Variants in HMGXB3 observed in about 807,000 individuals in gnomAD.
The protein encoded by HMGXB3 is HMG-box containing 3.
Under a neutral mutation model 121.5 loss-of-function variants are expected in HMGXB3, and 45 were observed. That is an observed-to-expected ratio of 0.37 (90% CI 0.29 to 0.47). HMGXB3 has a LOEUF of 0.47. Among genes scored for constraint, HMGXB3 ranks in the 20% least tolerant of loss-of-function variants. HMGXB3 has a pLI of 0.99. For missense variants in HMGXB3, 1,376 were observed against 1,602.2 expected, an observed-to-expected ratio of 0.86 and a Z score of 2.41; for synonymous variants, 590 against 624.1, an observed-to-expected ratio of 0.95 and a Z score of 0.81.
At chr5:150,028,175 G>T (rs116084645) in intron 9 of HMGXB3, among the ~76,000 whole-genome samples, 226 of 152,202 alleles carry the variant, frequency 1.5e-3, no homozygotes, top group African/African-American at 5.2e-3. Context: ...ACTCAAAGCA[G>T]GGAGGGGACT....
chr5:150,031,510 G>GT (rs1756380318), intron 10 of HMGXB3, among the ~76,000 whole-genome samples: 1 of 152,220 alleles, frequency 6.6e-6, no homozygotes, highest in Non-Finnish European at 1.5e-5. Flanking sequence ...GTGGTCCTCA[G>GT]TTTCACTATC....
intron 16 of HMGXB3, among the ~76,000 whole-genome samples, chr5:150,046,646 A>G (rs1756761789): frequency 6.6e-6 from 1 of 151,958 alleles, no homozygotes. Context: ...CACCATCTCT[A>G]CTAAAAACAC....
chr5:150,017,558 C>T (rs1398144423), intron 5 of HMGXB3, among the ~76,000 whole-genome samples: 1 of 152,198 alleles, frequency 6.6e-6, no homozygotes, highest in Non-Finnish European at 1.5e-5. Context: ...CCTGGTCTTC[C>T]TCTTTTTGGT....
At chr5:150,008,264 C>T (rs770712766) in intron 3 of HMGXB3, among the ~76,000 whole-genome samples, 1 of 152,024 alleles carries the variant, frequency 6.6e-6, no homozygotes, top group Non-Finnish European at 1.5e-5. Context: ...ACCACTATCT[C>T]TACCACTGCC....
chr5:150,001,802 G>A (rs772686863), intron 1 of HMGXB3, among the ~76,000 whole-genome samples: 17 of 152,216 alleles, frequency 1.1e-4, no homozygotes, highest in Non-Finnish European at 1.6e-4. Context: ...CAAGGTGGCT[G>A]TAATGAGTGT....
chr5:150,052,189 A>G lies in HMGXB3; in HGVS notation c.3876A>G (p.Glu1292=). 2 of 1,542,018 alleles carry G rather than the reference A, an allele frequency of 1.3e-6. No individual in the cohort carries two copies. Among genetic ancestry groups the G allele is most frequent in the South Asian group, 1.2e-5 (1 of 83,640 alleles). ...GEEEEVAAVA[E] is the part of the protein sequence containing the mutation. Reference sequence around the variant, plus strand: ...AAGAGGAGGTGGCCGCAGTGGCAGAATAAGCCAGGCTGTTGTACAGGGACT... The same window carrying G: ...AAGAGGAGGTGGCCGCAGTGGCAGAGTAAGCCAGGCTGTTGTACAGGGACT... The change falls in exon 20 of 20, where the codon GAA becomes GAG. Residue 1292 remains glutamate (E), a synonymous_variant. Transcript: ENST00000502717.
At chr5:150,010,014 A>G in intron 3 of HMGXB3, 97 bp from the exon 4 acceptor site, 1 of 1,339,940 alleles carries the variant, frequency 7.5e-7, no homozygotes, top group Non-Finnish European at 9.9e-7. Flanking sequence ...CAGGAAAAAA[A>G]AAGAACTTAC....
At position 150,045,655 on chromosome 5, in the gene HMGXB3, G is replaced by A. The variant is rs1756737947; in HGVS notation, c.2920G>A (p.Asp974Asn). Residue 974 changes from aspartate to asparagine, a missense_variant, in exon 16 of 20, where the codon GAC becomes AAC. Physicochemically the swap from Asp to Asn is conservative, Grantham distance 23. This residue lies in a region of HMGXB3 where 1,116 missense variants were observed against 1,369.0 expected (regional missense o/e 0.82). Transcript: ENST00000502717. The part of the protein sequence containing the change: ...RGAVVVNTEK[D>N]KNLDVQPVPG... ...AGCTGTGGTCGTCAACACTGAGAAA[G>A]ACAAAAACCTGGATGTGCAGCCAGT... is the stretch of plus-strand genomic sequence containing the variant. The A allele has an allele frequency of 1.9e-6, 3 of 1,551,596 alleles. No homozygotes were observed. Among genetic ancestry groups the A allele is most frequent in the Admixed American group, 3.9e-5 (2 of 50,986 alleles).
chr5:150,051,469 C>G (rs1463966104), intron 19 of HMGXB3, among the ~76,000 whole-genome samples: 2 of 152,212 alleles, frequency 1.3e-5, no homozygotes, highest in East Asian at 3.9e-4. Context: ...CCCCTGCAGC[C>G]ACTGGCCTGA....
At chr5:150,009,314 A>G (rs1157439456) in intron 3 of HMGXB3, among the ~76,000 whole-genome samples, 5 of 152,334 alleles carry the variant, frequency 3.3e-5, no homozygotes, top group South Asian at 2.1e-4. Flanking sequence ...CTCATTTGTT[A>G]AATGGGAATA....
intron 1 of HMGXB3, among the ~76,000 whole-genome samples, chr5:150,003,996 G>A (rs1440885966): frequency 6.7e-6 from 1 of 150,034 alleles, no homozygotes; most frequent in Non-Finnish European, 1.5e-5. Flanking sequence ...CATTTGCATA[G>A]CACTTGACTA....
chr5:150,021,726 T>C (rs1756098390), intron 6 of HMGXB3: 1 of 510,258 alleles, frequency 2.0e-6, no homozygotes, highest in African/African-American at 1.9e-5. Flanking sequence ...CACAAGTTTT[T>C]CTTGTAGTGA....
Position 150,040,813 on chromosome 5 carries a change from A to G in HMGXB3, c.2479A>G (p.Ile827Val), listed in dbSNP as rs1356800365. The G allele has an allele frequency of 1.3e-6, 2 of 1,551,886 alleles. No individual in the cohort carries two copies. Among genetic ancestry groups the G allele is most frequent in the Admixed American group, 2.0e-5 (1 of 50,988 alleles). ...LDLLFAIRNQ[I>V]KLGEDPRVSI... Reference sequence around the variant, plus strand: ...CTTGCTTTTTGCAATCAGAAATCAGATCAAGCTCGGAGAGGACCCCAGAGT... The same window carrying G: ...CTTGCTTTTTGCAATCAGAAATCAGGTCAAGCTCGGAGAGGACCCCAGAGT... Residue 827 changes from isoleucine (I) to valine (V), a missense_variant, in exon 14 of 20, where the codon ATC becomes GTC. By Grantham distance (29) the Ile-to-Val change is conservative. Transcript: ENST00000502717.
chr5:150,023,200 G>A (rs949891307), intron 6 of HMGXB3, among the ~76,000 whole-genome samples: 3 of 152,188 alleles, frequency 2.0e-5, no homozygotes, highest in East Asian at 1.9e-4. Flanking sequence ...TGGGTAGTAA[G>A]CGACTGGGAG....
chr5:150,022,986 ATTTTTTTTTTT>A (rs56092645), intron 6 of HMGXB3, among the ~76,000 whole-genome samples: 2 of 100,868 alleles, frequency 2.0e-5, no homozygotes, highest in African/African-American at 8.8e-5. Context: ...TGCCTGGCTA[ATTTTTTTTTTT>A]TTTTTTTTTT....
rs115765376 is a variant in HMGXB3 at position 150,052,503 on chromosome 5, C to A, written c.*311C>A. ...TAGCTGGTGGGTTCCGTGGGGCCTGCGGTGTGGGTCAGGGTGGAGGTCCTG... is the reference window on the plus strand; with the variant it reads ...TAGCTGGTGGGTTCCGTGGGGCCTGAGGTGTGGGTCAGGGTGGAGGTCCTG... On this transcript the variant is annotated 3_prime_UTR_variant, in exon 20 of 20. Transcript: ENST00000502717. 1 of 354,722 alleles carries A rather than the reference C, an allele frequency of 2.8e-6. No homozygotes were observed. Among genetic ancestry groups the A allele is most frequent in the Non-Finnish European group, 5.2e-6 (1 of 190,782 alleles). 22.0% of individuals were successfully genotyped at this position (354,722 alleles called of 1,614,324 possible).
chr5:150,050,404 T>A lies in HMGXB3; in HGVS notation c.3354T>A (p.Thr1118=). Residue 1118 remains threonine, a synonymous_variant, in exon 19 of 20, where the codon ACT becomes ACA. Coordinates refer to ENST00000502717, the MANE Select transcript of HMGXB3 (RefSeq NM_014983.3). ...CTGACCTCTGCTACCCAGAGCTGAC[T>A]AACCAGATGTGGGGGAGGAACCAGG... ...LCADLCYPEL[T]NQMWGRNQGC... 1 of 1,551,710 alleles carries A rather than the reference T, an allele frequency of 6.4e-7. No individual in the cohort carries two copies. The highest frequency in any genetic ancestry group is 8.7e-7 in the Non-Finnish European group (1 of 1,146,982).
intron 4 of HMGXB3, 120 bp from the exon 5 acceptor site, chr5:150,012,135 C>A: frequency 1.5e-6 from 1 of 663,644 alleles, no homozygotes; most frequent in Non-Finnish European, 2.7e-6. Context: ...TTTTGATAAG[C>A]ACATTGGGAT....
At chr5:150,050,586 G>C (rs770554174) in intron 19 of HMGXB3, 125 bp downstream of exon 19, 34 of 694,334 alleles carry the variant, frequency 4.9e-5, no homozygotes, top group Non-Finnish European at 7.5e-5. Context: ...GGTTCAAGCA[G>C]TTCTCGTGCC....
Sources: allele counts gnomAD v4.1 joint callset (sites outside exome capture counted in the v4.1 genomes callset), GRCh38; gene constraint gnomAD v4.1.1; regional missense constraint gnomAD v4.1.1; transcripts MANE v1.5; gene names NCBI Gene and HGNC (gene_info 2026-07-23, HGNC 2026-07-21).